RGS7: variants seen among roughly 807,000 people sequenced by gnomAD.
RGS7 encodes regulator of G-protein signaling 7.
RGS7 carries 27 observed loss-of-function variants against 81.1 expected under a neutral mutation model. The ratio of observed to expected loss-of-function variants is 0.33; its 90% CI spans 0.25 to 0.46. RGS7 has a LOEUF of 0.46. Among genes scored for constraint, RGS7 ranks in the 20% least tolerant of loss-of-function variants. RGS7 has a pLI of 1.00. For missense variants in RGS7, 396 were observed against 607.4 expected (o/e 0.65, Z 3.66); for synonymous variants, 208 against 207.7 (o/e 1.00, Z -0.01).
chr1:241,276,870 C>T (rs2078220097), intron 2 of RGS7, among the ~76,000 whole-genome samples: 2 of 151,958 alleles, frequency 1.3e-5, no homozygotes, highest in Admixed American at 6.6e-5. Flanking sequence ...TCTTTTCGTT[C>T]TTTTTAATTT....
intron 2 of RGS7, among the ~76,000 whole-genome samples, chr1:241,195,135 T>A (rs1307715309): frequency 6.6e-6 from 1 of 152,216 alleles, no homozygotes; most frequent in Non-Finnish European, 1.5e-5. Context: ...CTTGCAAGTT[T>A]TCATCTAAAA....
At chr1:240,809,951 A>G (rs1282274634) in intron 14 of RGS7, among the ~76,000 whole-genome samples, 1 of 152,186 alleles carries the variant, frequency 6.6e-6, no homozygotes, top group Non-Finnish European at 1.5e-5. Flanking sequence ...AGTACGGCAT[A>G]GAATGATTAA....
intron 5 of RGS7, among the ~76,000 whole-genome samples, chr1:240,933,059 T>G (rs1470282705): frequency 1.8e-4 from 27 of 149,396 alleles, no homozygotes; most frequent in African/African-American, 6.2e-4. Flanking sequence ...ATTTTTTGTA[T>G]TTTCAGTAGA....
chr1:240,795,297 A>AAAAAAC (rs1558262418), intron 18 of RGS7, among the ~76,000 whole-genome samples: 1 of 152,222 alleles, frequency 6.6e-6, no homozygotes, highest in Non-Finnish European at 1.5e-5. Context: ...AGTGTCTTAA[A>AAAAAAC]AAAAACAATA....
chr1:241,132,224 C>T (rs2067148844), intron 2 of RGS7: 1 of 154,772 alleles, frequency 6.5e-6, no homozygotes. Flanking sequence ...CAGGGAGGCC[C>T]AATTTTTTTC....
At chr1:241,155,023 A>G (rs1383508149) in intron 2 of RGS7, among the ~76,000 whole-genome samples, 4 of 152,262 alleles carry the variant, frequency 2.6e-5, no homozygotes, top group Admixed American at 2.0e-4. Context: ...CTCAAGATAA[A>G]CTGAAAAAGG....
intron 3 of RGS7, among the ~76,000 whole-genome samples, chr1:241,079,644 G>A (rs1004226854): frequency 6.6e-6 from 1 of 151,936 alleles, no homozygotes; most frequent in Non-Finnish European, 1.5e-5. Context: ...GGCATGAGGA[G>A]AAAACCAAAT....
intron 2 of RGS7, among the ~76,000 whole-genome samples, chr1:241,259,667 A>AAAAAAAAAAAAAAAAAAAAAT: frequency 2.3e-3 from 113 of 49,084 alleles, no homozygotes; most frequent in Non-Finnish European, 3.4e-3. Flanking sequence ...AAAAAAAAAA[A>AAAAAAAAAAAAAAAAAAAAAT]ATATATATAT....
chr1:241,152,103 G>A (rs2068795616), intron 2 of RGS7, among the ~76,000 whole-genome samples: 1 of 148,926 alleles, frequency 6.7e-6, no homozygotes, highest in East Asian at 2.0e-4. Flanking sequence ...GAAAAAAAGA[G>A]GACAAAATAA....
chr1:240,831,505 C>T (rs776729978), intron 9 of RGS7, among the ~76,000 whole-genome samples: 52 of 152,188 alleles, frequency 3.4e-4, no homozygotes, highest in Non-Finnish European at 6.8e-4. Flanking sequence ...AGGCACGAGC[C>T]CTATCCCAGT....
intron 6 of RGS7, among the ~76,000 whole-genome samples, chr1:240,894,363 C>A (rs781614836): frequency 6.6e-6 from 1 of 152,130 alleles, no homozygotes; most frequent in Non-Finnish European, 1.5e-5. Context: ...ACTACCTCAA[C>A]TATGATTTCA....
intron 2 of RGS7, among the ~76,000 whole-genome samples, chr1:241,302,422 G>A (rs755947230): frequency 1.8e-4 from 28 of 152,084 alleles, no homozygotes; most frequent in Non-Finnish European, 3.2e-4. Context: ...GGTTGCAGGC[G>A]CCTGTAGTCC....
At chr1:241,254,549 A>T (rs1166383499) in intron 2 of RGS7, among the ~76,000 whole-genome samples, 2 of 152,154 alleles carry the variant, frequency 1.3e-5, no homozygotes, top group African/African-American at 2.4e-5. Flanking sequence ...AAGGATACTA[A>T]TCCCATGACC....
intron 6 of RGS7, among the ~76,000 whole-genome samples, chr1:240,878,043 C>T (rs1441939084): frequency 6.6e-6 from 1 of 152,070 alleles, no homozygotes; most frequent in East Asian, 1.9e-4. Context: ...ATTAAGTGAC[C>T]CTCTGGATTT....
intron 10 of RGS7, among the ~76,000 whole-genome samples, chr1:240,821,080 A>T (rs561190164): frequency 1.3e-5 from 2 of 152,264 alleles, no homozygotes; most frequent in South Asian, 4.1e-4. Flanking sequence ...GAGAGAAATC[A>T]TGAGAGAGCT....
At chr1:240,962,300 T>C (rs1464092056) in intron 4 of RGS7, among the ~76,000 whole-genome samples, 2 of 152,154 alleles carry the variant, frequency 1.3e-5, no homozygotes, top group Non-Finnish European at 2.9e-5. Context: ...TACTCTGCTA[T>C]CTTTCTCTCC....
intron 2 of RGS7, among the ~76,000 whole-genome samples, chr1:241,218,970 A>C (rs923145397): frequency 6.6e-6 from 1 of 152,108 alleles, no homozygotes; most frequent in South Asian, 2.1e-4. Flanking sequence ...AAGCTATAGG[A>C]CAAGAGAGGC....
At chr1:240,820,152 A>T (rs1368426475) in intron 10 of RGS7, among the ~76,000 whole-genome samples, 1 of 152,208 alleles carries the variant, frequency 6.6e-6, no homozygotes, top group Non-Finnish European at 1.5e-5. Flanking sequence ...GGTGGCATAG[A>T]ACTAGAAACA....
At chr1:240,794,254 CTACTT>C (rs2103023606) in intron 18 of RGS7, among the ~76,000 whole-genome samples, 1 of 152,196 alleles carries the variant, frequency 6.6e-6, no homozygotes, top group Admixed American at 6.5e-5. Flanking sequence ...AGGCTTGTCT[CTACTT>C]TATTGTGGTA....
Sources: gnomAD v4.1 joint callset for allele counts (sites outside exome capture counted in the v4.1 genomes callset) on GRCh38, gnomAD v4.1.1 for gene constraint, MANE v1.5 for transcripts, NCBI Gene and HGNC (gene_info 2026-07-23, HGNC 2026-07-21) for gene names.